Variants in IFRD1 observed in about 807,000 individuals in gnomAD.
IFRD1 encodes interferon related developmental regulator 1.
IFRD1 carries 35 observed loss-of-function variants against 52.9 expected under a neutral mutation model. The observed-to-expected ratio is 0.66, with a 90% CI of 0.51 to 0.88. The LOEUF is 0.88. Ranked by LOEUF, IFRD1 falls within the 40% of genes least tolerant of loss-of-function variation. The pLI is 0.00. For synonymous variants in IFRD1, 184 were observed against 188.4 expected (o/e 0.98, Z 0.19); for missense variants, 517 against 550.8 (o/e 0.94, Z 0.61).
chr7:112,458,297 C>G (rs1469471908), intron 4 of IFRD1: 1 of 146,688 alleles, frequency 6.8e-6, no homozygotes, highest in Non-Finnish European at 1.5e-5. Flanking sequence ...CCAGCTTGGG[C>G]GACAGAGTGA....
At chr7:112,426,147 G>A (rs1794424438) in intron 1 of IFRD1, among the ~76,000 whole-genome samples, 1 of 152,124 alleles carries the variant, frequency 6.6e-6, no homozygotes. Context: ...GGAGTTCAAG[G>A]CTACAGTGAG....
chr7:112,440,066 A>G (rs902847397), intron 1 of IFRD1, among the ~76,000 whole-genome samples: 15 of 152,008 alleles, frequency 9.9e-5, no homozygotes, highest in Non-Finnish European at 7.4e-5. Flanking sequence ...GCTCACTGCA[A>G]CCTCTGCCTC....
chr7:112,449,984 A>C (rs1332609345), upstream of IFRD1: 1 of 152,856 alleles, frequency 6.5e-6, no homozygotes, highest in Admixed American at 6.5e-5. Context: ...CAGGTGCCGC[A>C]GGGAAGTAGG....
intron 8 of IFRD1, among the ~76,000 whole-genome samples, chr7:112,467,189 T>G (rs1265180330): frequency 6.6e-6 from 1 of 152,224 alleles, no homozygotes; most frequent in Non-Finnish European, 1.5e-5. Flanking sequence ...TAACCTCTAA[T>G]GCAATAAATG....
intron 8 of IFRD1, among the ~76,000 whole-genome samples, chr7:112,462,822 A>G (rs1394152808): frequency 1.7e-5 from 1 of 60,158 alleles, no homozygotes; most frequent in Non-Finnish European, 3.6e-5. Context: ...AGATGGAAAT[A>G]AACACTGCTC....
rs1795360276 is a variant in IFRD1, at chr7:112,458,923, C to G, written c.472C>G (p.Pro158Ala). ...ATCTGTTCTTTGTATTCAGCTGGGC[C>G]CTGGAATTGAAAGTGAAGAGATTTT... ...LASVLCIQLG[P>A]GIESEEILKT... Residue 158 changes from proline to alanine, a missense_variant, in exon 5 of 12, where the codon CCT (proline) becomes GCT (alanine). By Grantham distance (27) the Pro-to-Ala change is conservative. Transcript: ENST00000403825. The G allele has an allele frequency of 6.2e-7, 1 of 1,613,556 alleles. No homozygotes were observed. The highest frequency in any genetic ancestry group is 8.5e-7 in the Non-Finnish European group (1 of 1,179,806).
chr7:112,434,479 A>G (rs916446768), intron 1 of IFRD1, among the ~76,000 whole-genome samples: 3 of 152,214 alleles, frequency 2.0e-5, no homozygotes, highest in African/African-American at 7.2e-5. Context: ...CACAACAGCC[A>G]GGGTTATATA....
At chr7:112,450,448 C>G (rs914731746), upstream of IFRD1, 11 of 560,742 alleles carry the variant, frequency 2.0e-5, no homozygotes, top group East Asian at 3.4e-4. Flanking sequence ...GCGTCGTGGC[C>G]TCCCCTGCCC....
chr7:112,445,224 G>A lies in IFRD1; in HGVS notation c.-181-5284G>A, dbSNP rs567430345. On this transcript the variant is annotated intron_variant, in intron 1 of 12. Coordinates refer to the IFRD1 transcript ENST00000005558. ...TGGGACTACAGGCGCCCGCCACCAC[G>A]CCCGGCTAATTTTTTATATTTTTAG... Among the ~76,000 whole-genome samples the A allele has an allele frequency of 1.1e-3, 172 of 151,940 alleles. 1 individual carries two copies. Among genetic ancestry groups the A allele is most frequent in the Non-Finnish European group, 2.2e-3 (152 of 67,960 alleles).
At chr7:112,462,790 T>A (rs902437500) in intron 8 of IFRD1, among the ~76,000 whole-genome samples, 1 of 150,978 alleles carries the variant, frequency 6.6e-6, no homozygotes, top group Non-Finnish European at 1.5e-5. Context: ...ATGAGATGGG[T>A]TCAGTAACTT....
chr7:112,473,690 G>A (rs1357458333), intron 11 of IFRD1, among the ~76,000 whole-genome samples: 1 of 152,122 alleles, frequency 6.6e-6, no homozygotes, highest in Non-Finnish European at 1.5e-5. Flanking sequence ...CTCCCAAAGT[G>A]CTGGGATTAC....
At chr7:112,440,323 A>T (rs1298916270) in intron 1 of IFRD1, among the ~76,000 whole-genome samples, 2 of 152,132 alleles carry the variant, frequency 1.3e-5, no homozygotes, top group Admixed American at 1.3e-4. Context: ...ATATTTACTA[A>T]GTGTGTCTTA....
Position 112,455,027 on chromosome 7 carries a change from G to A in IFRD1, c.95-736G>A, listed in dbSNP as rs150422232. On this transcript the variant is annotated intron_variant, in intron 1 of 11. Coordinates refer to ENST00000403825, the MANE Select transcript of IFRD1 (RefSeq NM_001550.4). ...GACTATAGGCACGCACCACTACACC[G>A]GGCTAATTTTTGTATTAGTAGAGAC... Among the ~76,000 whole-genome samples the A allele has an allele frequency of 4.1e-3, 622 of 151,498 alleles. 12 individuals are homozygous for A. Among genetic ancestry groups the A allele is most frequent in the Middle Eastern group, 0.017 (5 of 294 alleles).
intron 11 of IFRD1, among the ~76,000 whole-genome samples, chr7:112,473,862 TCA>T (rs1467107731): frequency 6.6e-6 from 1 of 152,216 alleles, no homozygotes; most frequent in Non-Finnish European, 1.5e-5. Context: ...CAAAACATTA[TCA>T]CCTCAAAAGA....
In IFRD1 at chr7:112,430,719, T is replaced by A. The variant is rs550233098; in HGVS notation, c.-182+7287T>A. ...TATGTTCACTCCTAACTACTTTTCA[T>A]CCCCTTTCTATCTCTGTTCATTTTG... On this transcript the variant is annotated intron_variant, in intron 1 of 12. Transcript: ENST00000005558. 1.5e-4 allele frequency among the ~76,000 whole-genome samples: 23 copies of A among 152,282 alleles called. No homozygotes were observed. The South Asian group carries it at 3.9e-3, about 26-fold the overall frequency.
At chr7:112,428,872 T>C (rs1256458966) in intron 1 of IFRD1, among the ~76,000 whole-genome samples, 1 of 152,192 alleles carries the variant, frequency 6.6e-6, no homozygotes, top group Non-Finnish European at 1.5e-5. Context: ...AGTAGATTAA[T>C]CTTCCTCAAA....
intron 11 of IFRD1, among the ~76,000 whole-genome samples, chr7:112,473,921 C>T (rs1400892663): frequency 6.6e-6 from 1 of 152,212 alleles, no homozygotes; most frequent in African/African-American, 2.4e-5. Context: ...TACCCCCCGC[C>T]ACTGGCAACC....
intron 1 of IFRD1, among the ~76,000 whole-genome samples, chr7:112,443,740 C>T (rs771614192): frequency 6.6e-6 from 1 of 151,508 alleles, no homozygotes. Context: ...TGGTGGTGAA[C>T]GCCTGTAATC....
In IFRD1 at chr7:112,461,862, T is replaced by G. The variant is rs772594368; in HGVS notation, c.568-4T>G. On this transcript the variant is annotated splice_region_variant and splice_polypyrimidine_tract_variant and intron_variant, in intron 5 of 11. Transcript: ENST00000403825. Reference sequence around the variant, plus strand: ...TGTCTATATATATATATTTTTTTTTTTAGTGTGCAACTTGCTTTGGTGTTT... The same window carrying G: ...TGTCTATATATATATATTTTTTTTTGTAGTGTGCAACTTGCTTTGGTGTTT... 4.7e-6 allele frequency: 7 copies of G among 1,501,256 alleles called. No individual in the cohort carries two copies. In the African/African-American group the frequency reaches 8.4e-5, roughly 18 times the overall value. The allele number at this position is 1,501,256 out of a possible 1,614,324, so 93.0% of individuals were successfully genotyped here.
Sources: gnomAD v4.1 joint callset for allele counts (sites outside exome capture counted in the v4.1 genomes callset) on GRCh38, gnomAD v4.1.1 for gene constraint, MANE v1.5 for transcripts, NCBI Gene and HGNC (gene_info 2026-07-23, HGNC 2026-07-21) for gene names.